DSCAML1: variants seen among roughly 807,000 people sequenced by gnomAD.
The protein encoded by DSCAML1 is cell adhesion molecule DSCAML1.
In DSCAML1, 38 loss-of-function variants were observed where a neutral mutation model predicts 200.5. That is an observed-to-expected ratio of 0.19 (90% CI 0.15 to 0.25). The LOEUF (loss-of-function observed/expected upper bound fraction) is 0.25, where lower values mean the gene tolerates loss of function less well. DSCAML1 is among the 10% of genes least tolerant of loss of function. The pLI is 1.00. For missense variants in DSCAML1, 2,223 were observed against 2,858.8 expected, an observed-to-expected ratio of 0.78 and a Z score of 5.07; for synonymous variants, 1,215 against 1,165.0, an observed-to-expected ratio of 1.04 and a Z score of -0.87.
chr11:117,550,758 TCACTCGCTGA>T (rs2050454295), intron 3 of DSCAML1, among the ~76,000 whole-genome samples: 1 of 152,182 alleles, frequency 6.6e-6, no homozygotes, highest in Non-Finnish European at 1.5e-5. Flanking sequence ...TTCCCACCTC[TCACTCGCTGA>T]CACTCTCTGC....
intron 8 of DSCAML1, among the ~76,000 whole-genome samples, chr11:117,513,995 G>A (rs2049703329): frequency 1.3e-5 from 2 of 152,290 alleles, no homozygotes; most frequent in Non-Finnish European, 1.5e-5. Flanking sequence ...TCCACCGGAT[G>A]TCCAGTGATA....
At chr11:117,706,530 C>T (rs2053761531) in intron 3 of DSCAML1, among the ~76,000 whole-genome samples, 1 of 152,150 alleles carries the variant, frequency 6.6e-6, no homozygotes, top group African/African-American at 2.4e-5. Flanking sequence ...CAGTGAATCC[C>T]TTTATCACAG....
intron 3 of DSCAML1, among the ~76,000 whole-genome samples, chr11:117,602,401 C>T (rs1417104445): frequency 6.6e-6 from 1 of 152,166 alleles, no homozygotes; most frequent in Non-Finnish European, 1.5e-5. Flanking sequence ...CACTGTGTCA[C>T]CCACGCTGCA....
Position 117,463,967 on chromosome 11 carries a change from A to G in DSCAML1, c.3265+975T>C, listed in dbSNP as rs1292154517. Among the ~76,000 whole-genome samples the G allele has an allele frequency of 1.3e-5, 2 of 152,212 alleles. No individual in the cohort carries two copies. The highest frequency in any genetic ancestry group is 4.8e-5 in the African/African-American group (2 of 41,452). ...ATCTACTTTCAGGTGTTTCTGACCT[A>G]ATGTGTCCACCATCCCCAGGGTGCT... On this transcript the variant is annotated intron_variant, in intron 17 of 32. Transcript: ENST00000651296. The surrounding 1 kb of genome is among the most constrained non-coding windows in gnomAD (Gnocchi z 4.0).
At chr11:117,539,625 A>AAAAAAAAAAAAAAAAAAAAAAAAC (rs1370417496) in intron 3 of DSCAML1, among the ~76,000 whole-genome samples, 1 of 151,032 alleles carries the variant, frequency 6.6e-6, no homozygotes, top group African/African-American at 2.4e-5. Context: ...AAAAAAAAAA[A>AAAAAAAAAAAAAAAAAAAAAAAAC]AAAAAGGAAT....
At chr11:117,589,545 C>T (rs978920803) in intron 3 of DSCAML1, among the ~76,000 whole-genome samples, 1 of 152,134 alleles carries the variant, frequency 6.6e-6, no homozygotes, top group African/African-American at 2.4e-5. Flanking sequence ...TCTGCGTCTT[C>T]GTATGCACCA....
At position 117,765,621 on chromosome 11, in the gene DSCAML1, G is replaced by A. The variant is rs530788261; in HGVS notation, c.511+11170C>T. On this transcript the variant is annotated intron_variant, in intron 3 of 32. Coordinates refer to ENST00000651296, the MANE Select transcript of DSCAML1 (RefSeq NM_020693.4). The stretch of plus-strand genomic sequence containing the variant: ...GTGGACATGCGTCTGTCTAGCCCTA[G>A]GAAAAATTGAAAACCTACGCATAGA... Among the ~76,000 whole-genome samples the A allele has an allele frequency of 2.0e-5, 3 of 152,220 alleles. No individual in the cohort carries two copies. The East Asian group carries it at 5.8e-4, about 29-fold the overall frequency.
intron 3 of DSCAML1, among the ~76,000 whole-genome samples, chr11:117,676,711 TG>T (rs1442555418): frequency 6.6e-6 from 1 of 152,168 alleles, no homozygotes; most frequent in Non-Finnish European, 1.5e-5. Flanking sequence ...GCAAGCAGTG[TG>T]GGTGGGAGCT....
At chr11:117,543,284 T>C (rs1357710772) in intron 3 of DSCAML1, among the ~76,000 whole-genome samples, 2 of 152,180 alleles carry the variant, frequency 1.3e-5, no homozygotes, top group Admixed American at 1.3e-4. Context: ...CAAGGGAGCA[T>C]GGTGCATGCG....
chr11:117,717,478 T>A (rs1409031903), intron 3 of DSCAML1, among the ~76,000 whole-genome samples: 2 of 152,228 alleles, frequency 1.3e-5, no homozygotes, highest in Admixed American at 1.3e-4. Flanking sequence ...AGGTTCCAAC[T>A]GACTGGCGGT....
intron 3 of DSCAML1, among the ~76,000 whole-genome samples, chr11:117,740,582 C>A (rs2054403185): frequency 6.6e-6 from 1 of 152,150 alleles, no homozygotes; most frequent in Non-Finnish European, 1.5e-5. Flanking sequence ...CCCCCGTCAG[C>A]AGACCTCATT....
intron 3 of DSCAML1, among the ~76,000 whole-genome samples, chr11:117,580,967 C>T (rs191845623): frequency 6.6e-6 from 1 of 152,306 alleles, no homozygotes; most frequent in African/African-American, 2.4e-5. Context: ...GTCTGCCAGC[C>T]TGCCAAGGTG....
intron 3 of DSCAML1, among the ~76,000 whole-genome samples, chr11:117,764,416 G>T (rs756443041): frequency 2.6e-5 from 4 of 152,132 alleles, no homozygotes; most frequent in Admixed American, 6.5e-5. Flanking sequence ...TCTTTGGTGC[G>T]TGGGAAGAGG....
intron 3 of DSCAML1, among the ~76,000 whole-genome samples, chr11:117,746,829 T>A (rs778490779): frequency 1.3e-5 from 2 of 152,168 alleles, no homozygotes; most frequent in Non-Finnish European, 2.9e-5. Flanking sequence ...AAACTCCTGC[T>A]CAGGCTTCAG....
Position 117,503,987 on chromosome 11 carries a change from G to A in DSCAML1, c.2217C>T (p.Pro739=). The change falls in exon 11 of 33, where the codon CCC becomes CCT. Residue 739 remains proline, a synonymous_variant. Transcript: ENST00000651296. The surrounding 1 kb of genome is among the most constrained non-coding windows in gnomAD (Gnocchi z 5.2). The stretch of plus-strand genomic sequence containing the variant: ...GCAGGATCTGGATGCGGCCAGTGAG[G>A]GGCACAGGGTGGTACTGCTGGGGGT... ...SGNPQQYHPV[P]LTGRIQILPN... The A allele has an allele frequency of 6.2e-7, 1 of 1,614,200 alleles. No individual in the cohort carries two copies. The highest frequency in any genetic ancestry group is 8.5e-7 in the Non-Finnish European group (1 of 1,180,036).
chr11:117,635,473 TGC>T (rs896563557), intron 3 of DSCAML1, among the ~76,000 whole-genome samples: 28 of 150,460 alleles, frequency 1.9e-4, no homozygotes, highest in African/African-American at 7.0e-4. Context: ...TGTGTGTGTG[TGC>T]GTGTGTGTTT....
intron 14 of DSCAML1, among the ~76,000 whole-genome samples, chr11:117,473,591 C>T (rs1466260771): frequency 6.6e-6 from 1 of 152,134 alleles, no homozygotes; most frequent in African/African-American, 2.4e-5. Flanking sequence ...CCCAGGCCTC[C>T]AATTTCTGGT....
At chr11:117,663,985 A>C (rs1382355998) in intron 3 of DSCAML1, among the ~76,000 whole-genome samples, 2 of 152,230 alleles carry the variant, frequency 1.3e-5, no homozygotes, top group African/African-American at 4.8e-5. Context: ...GCAAGGCTGT[A>C]TTGCTCAGCG....
Position 117,431,608 on chromosome 11 carries a change from C to CG in DSCAML1, c.5299dup (p.Arg1767ProfsTer13), listed in dbSNP as rs1233796395. On this transcript the variant is annotated frameshift_variant, in exon 31 of 33. Coordinates refer to ENST00000651296, the MANE Select transcript of DSCAML1 (RefSeq NM_020693.4). LOFTEE classifies it high-confidence loss of function. Reference sequence around the variant, plus strand: ...GACACCATGCTGGGAGCCCACGGTGCGCCAGTCGGAGGTGAGGGTGCGGGC... The same window carrying CG: ...GACACCATGCTGGGAGCCCACGGTGCGGCCAGTCGGAGGTGAGGGTGCGGGC... 1 of 1,612,728 alleles carries CG rather than the reference C, an allele frequency of 6.2e-7. No homozygotes were observed. Among genetic ancestry groups the CG allele is most frequent in the Admixed American group, 1.7e-5 (1 of 59,910 alleles).
Sources: allele counts gnomAD v4.1 joint callset (sites outside exome capture counted in the v4.1 genomes callset), GRCh38; gene constraint gnomAD v4.1.1; non-coding constraint Gnocchi (gnomAD v3.1); transcripts MANE v1.5; gene names NCBI Gene and HGNC (gene_info 2026-07-23, HGNC 2026-07-21).